Variants in MDGA2 observed in about 807,000 individuals in gnomAD.
The protein encoded by MDGA2 is MAM domain containing glycosylphosphatidylinositol anchor 2.
MDGA2 carries 40 observed loss-of-function variants against 117.8 expected under a neutral mutation model. The ratio of observed to expected loss-of-function variants is 0.34; its 90% confidence interval spans 0.26 to 0.44. The LOEUF is 0.44. MDGA2 is among the 20% of genes least tolerant of loss of function. The pLI, the probability that MDGA2 is intolerant of heterozygous loss-of-function variation, is 1.00. For missense variants in MDGA2, 1,123 were observed against 1,250.6 expected (o/e 0.90, Z 1.54); for synonymous variants, 452 against 439.0 (o/e 1.03, Z -0.37).
intron 1 of MDGA2, among the ~76,000 whole-genome samples, chr14:47,666,368 C>G (rs757078564): frequency 6.9e-6 from 1 of 144,378 alleles, no homozygotes; most frequent in Non-Finnish European, 1.6e-5. Context: ...CTTAGAGAAC[C>G]TTTATGTCTA....
At chr14:47,436,046 C>T (rs1892891377) in intron 1 of MDGA2, among the ~76,000 whole-genome samples, 1 of 152,052 alleles carries the variant, frequency 6.6e-6, no homozygotes, top group African/African-American at 2.4e-5. Flanking sequence ...AATGCCTTCT[C>T]AAGCTTGACT....
At chr14:46,992,056 C>T (rs551978897) in intron 8 of MDGA2, among the ~76,000 whole-genome samples, 52 of 152,180 alleles carry the variant, frequency 3.4e-4, no homozygotes, top group Non-Finnish European at 5.6e-4. Flanking sequence ...ATAAAAGCTA[C>T]GCCTAACAAT....
At chr14:47,145,563 G>A (rs112006403) in intron 3 of MDGA2, among the ~76,000 whole-genome samples, 5 of 152,196 alleles carry the variant, frequency 3.3e-5, no homozygotes, top group African/African-American at 1.2e-4. Flanking sequence ...TAAGTATGAT[G>A]CAAAACCTGC....
chr14:47,169,378 CA>C (rs1310020184), intron 3 of MDGA2, among the ~76,000 whole-genome samples: 5 of 151,470 alleles, frequency 3.3e-5, no homozygotes, highest in African/African-American at 1.2e-4. Context: ...GTTACCTTTT[CA>C]TATATATATG....
intron 5 of MDGA2, among the ~76,000 whole-genome samples, chr14:47,112,609 T>C (rs143223114): frequency 8.4e-4 from 128 of 152,350 alleles, no homozygotes; most frequent in African/African-American, 2.7e-3. Context: ...CCATGGTATA[T>C]ATGTACCACA....
At chr14:47,423,641 A>T (rs1037885073) in intron 1 of MDGA2, among the ~76,000 whole-genome samples, 1 of 151,974 alleles carries the variant, frequency 6.6e-6, no homozygotes, top group Non-Finnish European at 1.5e-5. Context: ...ATGTATTAGG[A>T]TGCTTTATTT....
At chr14:47,084,026 T>C (rs1430302566) in intron 6 of MDGA2, among the ~76,000 whole-genome samples, 2 of 152,036 alleles carry the variant, frequency 1.3e-5, no homozygotes, top group Admixed American at 1.3e-4. Context: ...AAAAACTACA[T>C]AACCAATCAA....
At chr14:47,000,659 A>T (rs1954255) in intron 8 of MDGA2, among the ~76,000 whole-genome samples, 16,155 of 151,244 alleles carry the variant, frequency 0.11, 1,099 homozygotes, top group Middle Eastern at 0.18. Flanking sequence ...TGTAATCCAT[A>T]AGTTCAAATA....
At chr14:47,353,684 A>G (rs1002917457) in intron 1 of MDGA2, among the ~76,000 whole-genome samples, 17 of 152,240 alleles carry the variant, frequency 1.1e-4, no homozygotes, top group African/African-American at 3.9e-4. Context: ...CTTGCAACAA[A>G]GAAAAGTCCA....
At chr14:47,242,857 C>T in intron 2 of MDGA2, among the ~76,000 whole-genome samples, 1 of 151,786 alleles carries the variant, frequency 6.6e-6, no homozygotes, top group Non-Finnish European at 1.5e-5. Context: ...GCAGGCAGTT[C>T]CACCTGCAGC....
chr14:47,642,402 A>G lies in MDGA2; in HGVS notation c.280+32115T>C, dbSNP rs982856379. 7.2e-5 allele frequency among the ~76,000 whole-genome samples: 11 copies of G among 152,206 alleles called. No homozygotes were observed. The East Asian group carries it at 2.1e-3, about 29-fold the overall frequency. ...GACAATAAAGTGAGCTCAAAACATG[A>G]CTTTGCAGCATATTAAAAACAGACA... On this transcript the variant is annotated intron_variant, in intron 1 of 16. Coordinates refer to ENST00000399232, the MANE Select transcript of MDGA2 (RefSeq NM_001113498.3).
chr14:46,981,172 G>GGA (rs386381279), intron 8 of MDGA2, among the ~76,000 whole-genome samples: 15 of 17,668 alleles, frequency 8.5e-4, no homozygotes, highest in Non-Finnish European at 2.0e-3. Context: ...GGGAGGCCAA[G>GGA]GGGGGGGCGG....
In MDGA2 at chr14:47,144,102, C is replaced by T. The variant is rs199974720; in HGVS notation, c.768G>A (p.Glu256=). 2.7e-4 allele frequency: 418 copies of T among 1,549,630 alleles called. 2 individuals are homozygous for T. The African/African-American group carries it at 5.1e-3, about 19-fold the overall frequency. Residue 256 remains glutamate (E), a synonymous_variant, in exon 4 of 17, where the codon GAG becomes GAA. Coordinates refer to ENST00000399232, the MANE Select transcript of MDGA2 (RefSeq NM_001113498.3). ...CCTGGGTAAAGAATGGTTCATAAAT[C>T]TCAACTCCTTTATCAGATCCTTGCA... ...VLLQGSDKGV[E]IYEPFFTQGE...
intron 1 of MDGA2, among the ~76,000 whole-genome samples, chr14:47,379,518 A>G (rs1891562545): frequency 6.6e-6 from 1 of 152,202 alleles, no homozygotes; most frequent in South Asian, 2.1e-4. Context: ...AAAGGGATGG[A>G]GGAAGATCTA....
intron 1 of MDGA2, among the ~76,000 whole-genome samples, chr14:47,434,815 G>C (rs1205034402): frequency 2.0e-5 from 3 of 152,120 alleles, no homozygotes; most frequent in African/African-American, 7.2e-5. Flanking sequence ...ACTATTTCAA[G>C]ATGGTGGTTT....
intron 1 of MDGA2, among the ~76,000 whole-genome samples, chr14:47,669,496 G>A (rs1312369468): frequency 6.6e-6 from 1 of 152,128 alleles, no homozygotes; most frequent in Non-Finnish European, 1.5e-5. Context: ...TAGGACATGA[G>A]CAAGTAACAC....
intron 3 of MDGA2, among the ~76,000 whole-genome samples, chr14:47,152,739 G>C (rs1389343341): frequency 6.6e-6 from 1 of 151,958 alleles, no homozygotes; most frequent in Non-Finnish European, 1.5e-5. Flanking sequence ...TGATCCTATA[G>C]AGATGTAAGC....
intron 1 of MDGA2, among the ~76,000 whole-genome samples, chr14:47,413,340 CTCTAT>C (rs1892411006): frequency 1.3e-5 from 2 of 152,084 alleles, no homozygotes; most frequent in Non-Finnish European, 2.9e-5. Flanking sequence ...ATTACTAAGT[CTCTAT>C]TCTATGTCTC....
intron 1 of MDGA2, among the ~76,000 whole-genome samples, chr14:47,643,054 A>G (rs1000271146): frequency 6.6e-6 from 1 of 152,064 alleles, no homozygotes; most frequent in Non-Finnish European, 1.5e-5. Flanking sequence ...ACTAACCACT[A>G]TGTAAGCATT....
Sources: allele counts gnomAD v4.1 joint callset (sites outside exome capture counted in the v4.1 genomes callset), GRCh38; gene constraint gnomAD v4.1.1; transcripts MANE v1.5; gene names NCBI Gene and HGNC (gene_info 2026-07-23, HGNC 2026-07-21).